The following RYR2 variants were observed in gnomAD, a reference collection of about 807,000 sequenced individuals.
RYR2 encodes the protein ryanodine receptor 2.
RYR2 carries 227 observed loss-of-function variants against 601.1 expected under a neutral mutation model. That is an observed-to-expected ratio of 0.38 (90% confidence interval 0.34 to 0.42). The LOEUF is 0.42. RYR2 is among the 10% of genes least tolerant of loss of function. The pLI, the probability that RYR2 is intolerant of heterozygous loss-of-function variation, is 1.00. For synonymous variants in RYR2, 2,223 were observed against 2,175.1 expected (o/e 1.02, Z -0.61); for missense variants, 4,646 against 6,156.5 (o/e 0.75, Z 8.21).
At chr1:237,623,359 G>GTTTCTTTCTTTCTTTCTTTC (rs1189274935) in intron 38 of RYR2, among the ~76,000 whole-genome samples, 1 of 48,940 alleles carries the variant, frequency 2.0e-5, no homozygotes, top group African/African-American at 5.7e-5. Flanking sequence ...GCCTTTCTTT[G>GTTTCTTTCTTTCTTTCTTTC]TTTCTTTCTT....
At position 237,115,115 on chromosome 1, in the gene RYR2, T is replaced by G. The variant is rs534547363; in HGVS notation, c.48+72546T>G. On this transcript the variant is annotated intron_variant, in intron 1 of 104. Transcript: ENST00000366574. ...AGTGAAGTGAAGACCCCAGGCTATC[T>G]GTCGGTACCTTTGCTGGCTGCTGGG... Among the ~76,000 whole-genome samples the G allele has an allele frequency of 2.6e-5, 4 of 152,190 alleles. No homozygotes were observed. In the East Asian group the frequency reaches 5.8e-4, roughly 22 times the overall value.
In RYR2 at chr1:237,180,624, G is replaced by GTA. The variant is rs151307311; in HGVS notation, c.49-89869_49-89868dup. ...TATATATATGTATATATGTATATAT[G>GTA]TATATGTGTATATATGTATATGTAT... On this transcript the variant is annotated intron_variant, in intron 1 of 104. Transcript: ENST00000366574. This position sits in a 1 kb window ranked among gnomAD's most constrained non-coding sequence, Gnocchi z 5.3. Among the ~76,000 whole-genome samples the GTA allele has an allele frequency of 0.031, 3,801 of 123,032 alleles. 88 individuals carry two copies. The highest frequency in any genetic ancestry group is 0.046 in the Non-Finnish European group (2,655 of 57,166). The allele number at this position is 123,032 out of a possible 152,430, so 80.7% of individuals were successfully genotyped here. A position where few individuals can be genotyped will look rare whatever the true frequency, so the allele number is the denominator to read the frequency against.
intron 18 of RYR2, among the ~76,000 whole-genome samples, chr1:237,492,289 C>T (rs1663446653): frequency 2.0e-5 from 3 of 152,208 alleles, no homozygotes; most frequent in Admixed American, 2.0e-4. Context: ...GCCTTGGCCT[C>T]CCAAAATTCT....
At chr1:237,064,587 T>C (rs1663292839) in intron 1 of RYR2, among the ~76,000 whole-genome samples, 1 of 152,128 alleles carries the variant, frequency 6.6e-6, no homozygotes, top group South Asian at 2.1e-4. Flanking sequence ...CCACAAAACA[T>C]TAATTTTATT....
At chr1:237,274,011 A>G (rs1294067911) in intron 2 of RYR2, among the ~76,000 whole-genome samples, 1 of 146,204 alleles carries the variant, frequency 6.8e-6, no homozygotes, top group Non-Finnish European at 1.5e-5. Flanking sequence ...GTTTATTAAG[A>G]AATACATATA....
At chr1:237,708,684 C>A (rs1480695290) in intron 68 of RYR2, among the ~76,000 whole-genome samples, 174 bp from the exon 69 acceptor site, 4 of 151,944 alleles carry the variant, frequency 2.6e-5, no homozygotes, top group African/African-American at 7.3e-5. Context: ...TTTTTAATGG[C>A]AGCTATGCAA....
At chr1:237,804,122 A>G (rs1660327370) in intron 98 of RYR2, among the ~76,000 whole-genome samples, 1 of 151,964 alleles carries the variant, frequency 6.6e-6, no homozygotes, top group Non-Finnish European at 1.5e-5. Flanking sequence ...CTAAAATGCC[A>G]TTTTTCACAA....
At chr1:237,522,718 C>T (rs923855938) in intron 24 of RYR2, among the ~76,000 whole-genome samples, 2 of 152,192 alleles carry the variant, frequency 1.3e-5, no homozygotes, top group African/African-American at 4.8e-5. Flanking sequence ...TGGGTTTTTA[C>T]ATACCAAATG....
chr1:237,805,705 C>T (rs1286481048), intron 98 of RYR2, among the ~76,000 whole-genome samples: 3 of 50,202 alleles, frequency 6.0e-5, no homozygotes, highest in African/African-American at 3.5e-4. Context: ...TCATGGGGTA[C>T]CTAGTGATAT....
intron 42 of RYR2, among the ~76,000 whole-genome samples, chr1:237,632,002 G>GA (rs934746146): frequency 2.0e-4 from 31 of 151,494 alleles, no homozygotes; most frequent in East Asian, 9.7e-4. Context: ...AAGACTTTTT[G>GA]AAAAAAACAC....
intron 1 of RYR2, among the ~76,000 whole-genome samples, chr1:237,060,630 G>T (rs12079670): frequency 0.017 from 2,654 of 152,058 alleles, 79 homozygotes; most frequent in African/African-American, 0.059. Context: ...AAATTAATTC[G>T]GCTTGTTTTT....
intron 1 of RYR2, among the ~76,000 whole-genome samples, chr1:237,086,005 T>A (rs1666286015): frequency 1.3e-5 from 2 of 152,238 alleles, no homozygotes. Context: ...CCTGACTGCC[T>A]TGGCCTCTCA....
chr1:237,067,498 T>C (rs1470628569), intron 1 of RYR2, among the ~76,000 whole-genome samples: 3 of 152,238 alleles, frequency 2.0e-5, no homozygotes, highest in Non-Finnish European at 4.4e-5. Context: ...TCTATGTGTC[T>C]AGCTGTCCAC....
intron 1 of RYR2, among the ~76,000 whole-genome samples, chr1:237,188,704 T>C (rs1679641021): frequency 6.6e-6 from 1 of 152,168 alleles, no homozygotes; most frequent in African/African-American, 2.4e-5. Context: ...TAGCTGGGAT[T>C]ACAGGTGCCC....
rs939343244 is a variant in RYR2 at position 237,148,345 on chromosome 1, G to A, written c.48+105776G>A. On this transcript the variant is annotated intron_variant, in intron 1 of 104. Coordinates refer to ENST00000366574, the MANE Select transcript of RYR2 (RefSeq NM_001035.3). ...CAGTGAGGGGAACATCACACACTGG[G>A]GCCTGTCGGGAGGGCTGGGGGATGT... Among the ~76,000 whole-genome samples, 7 of 151,612 alleles carry A rather than the reference G, an allele frequency of 4.6e-5. 1 individual carries two copies. Among genetic ancestry groups the A allele is most frequent in the African/African-American group, 1.7e-4 (7 of 41,218 alleles).
intron 1 of RYR2, among the ~76,000 whole-genome samples, chr1:237,235,914 A>G (rs538035461): frequency 6.6e-6 from 1 of 152,278 alleles, no homozygotes; most frequent in South Asian, 2.1e-4. Context: ...ACAAGCCTTC[A>G]TGTTCAGTGC....
At chr1:237,775,549 T>C (rs1694596100) in intron 87 of RYR2, among the ~76,000 whole-genome samples, 1 of 140,118 alleles carries the variant, frequency 7.1e-6, no homozygotes, top group Non-Finnish European at 1.5e-5. Flanking sequence ...CAGCATTGCG[T>C]ATTGCTTTAT....
chr1:237,665,670 G>T (rs1026468425), intron 56 of RYR2, among the ~76,000 whole-genome samples: 1 of 152,162 alleles, frequency 6.6e-6, no homozygotes, highest in Admixed American at 6.5e-5. Context: ...AGAAGCCAGG[G>T]TGCTGTCAAA....
chr1:237,794,102 A>G, intron 95 of RYR2, 105 bp downstream of exon 95: 1 of 941,998 alleles, frequency 1.1e-6, no homozygotes, highest in Non-Finnish European at 1.6e-6. Flanking sequence ...AGAGGTGAAT[A>G]ATAGTTATAT....
Sources: allele counts gnomAD v4.1 joint callset (sites outside exome capture counted in the v4.1 genomes callset), GRCh38; gene constraint gnomAD v4.1.1; non-coding constraint Gnocchi (gnomAD v3.1); transcripts MANE v1.5; gene names NCBI Gene and HGNC (gene_info 2026-07-23, HGNC 2026-07-21).